Variants in WASF3 observed in about 807,000 individuals in gnomAD.
The protein encoded by WASF3 is WASP family member 3.
A neutral mutation model predicts 46.6 loss-of-function variants in WASF3; 11 were observed. The observed-to-expected ratio is 0.24, with a 90% CI of 0.15 to 0.39. The LOEUF (loss-of-function observed/expected upper bound fraction) is 0.39, where lower values mean the gene tolerates loss of function less well. Among genes scored for constraint, WASF3 ranks in the 10% least tolerant of loss-of-function variants. The pLI is 1.00. For synonymous variants in WASF3, 242 were observed against 259.7 expected (o/e 0.93, Z 0.65); for missense variants, 576 against 669.8 (o/e 0.86, Z 1.55).
At position 26,686,103 on chromosome 13, in the gene WASF3, T is replaced by C; in HGVS notation, c.*258T>C. ...ACATTGTCCTGAAAACAGCATCTGC[T>C]TTCCTCTTGGCCATGAGAGTATTTA... On this transcript the variant is annotated 3_prime_UTR_variant, in exon 10 of 10. Transcript: ENST00000335327. 2.3e-6 allele frequency: 1 copy of C among 444,168 alleles called. No homozygotes were observed. 27.5% of individuals were successfully genotyped at this position (444,168 alleles called of 1,614,324 possible).
chr13:26,682,786 C>T lies in WASF3; in HGVS notation c.1163C>T (p.Thr388Ile), dbSNP rs1453111430. Residue 388 changes from threonine (T) to isoleucine (I), a missense_variant, in exon 9 of 10, where the codon ACC becomes ATC. Thr to Ile is a moderately conservative substitution (Grantham distance 89, BLOSUM62 -1). Coordinates refer to ENST00000335327, the MANE Select transcript of WASF3 (RefSeq NM_006646.6). This position sits in a 1 kb window ranked among gnomAD's most constrained non-coding sequence, Gnocchi z 4.4. ...THAAPPHPPS[T>I]GLLVTAPPPP... ...GCAGCTCCTCCTCACCCACCCTCCA[C>T]CGGGCTCCTGGTCACAGCCCCGCCA... 2.5e-6 allele frequency: 4 copies of T among 1,611,778 alleles called. No homozygotes were observed. In the Admixed American group the frequency reaches 6.7e-5, roughly 27 times the overall value.
At chr13:26,559,788 TTTTCTTTC>T (rs1555246392) in intron 1 of WASF3, among the ~76,000 whole-genome samples, 4 of 80,548 alleles carry the variant, frequency 5.0e-5, no homozygotes, top group South Asian at 1.0e-3. Context: ...TTTTCTTTTC[TTTTCTTTC>T]TTTCTTTCTT....
At chr13:26,592,781 G>A (rs909240183) in intron 1 of WASF3, among the ~76,000 whole-genome samples, 8 of 152,014 alleles carry the variant, frequency 5.3e-5, no homozygotes, top group Non-Finnish European at 1.2e-4. Flanking sequence ...TCTTATCAGT[G>A]TCTTGTCAGT....
intron 1 of WASF3, among the ~76,000 whole-genome samples, chr13:26,568,004 A>T (rs1229274016): frequency 1.3e-5 from 2 of 152,054 alleles, no homozygotes; most frequent in Non-Finnish European, 2.9e-5. Context: ...GGGGAGAAAC[A>T]GCAAGTGCCC....
chr13:26,609,909 G>C (rs1880918556), intron 1 of WASF3, among the ~76,000 whole-genome samples: 1 of 152,196 alleles, frequency 6.6e-6, no homozygotes, highest in South Asian at 2.1e-4. Flanking sequence ...TCTTAGAAGA[G>C]TACTGTCCAA....
chr13:26,610,395 C>T (rs1880936637), intron 1 of WASF3, among the ~76,000 whole-genome samples: 1 of 152,200 alleles, frequency 6.6e-6, no homozygotes. Flanking sequence ...TGGTTGTTTA[C>T]AGACTTTTCT....
intron 1 of WASF3, among the ~76,000 whole-genome samples, chr13:26,585,712 A>G (rs918345650): frequency 6.6e-6 from 1 of 151,874 alleles, no homozygotes; most frequent in East Asian, 1.9e-4. Flanking sequence ...AGACCATATA[A>G]TGGTCTTACC....
intron 1 of WASF3, among the ~76,000 whole-genome samples, chr13:26,607,456 A>C (rs1045311462): frequency 3.9e-5 from 6 of 152,234 alleles, no homozygotes; most frequent in Non-Finnish European, 2.9e-5. Context: ...GCAGAAATAA[A>C]GAATGAACAG....
rs1053973690 is a variant in WASF3, at chr13:26,688,224, A to G, written c.*2379A>G. On this transcript the variant is annotated 3_prime_UTR_variant, in exon 10 of 10. Transcript: ENST00000335327. ...AGATCTTTTCTAATATGGTATTACA[A>G]TGAAAAGAATAAAGAGAAGATTTGA... 2 of 152,250 alleles carry G rather than the reference A, an allele frequency of 1.3e-5. No individual in the cohort carries two copies. Among genetic ancestry groups the G allele is most frequent in the African/African-American group, 4.8e-5 (2 of 41,470 alleles). 9.4% of individuals were successfully genotyped at this position (152,250 alleles called of 1,614,324 possible). A position where few individuals can be genotyped will look rare whatever the true frequency, so the allele number is the denominator to read the frequency against.
the WASF3 span, among the ~76,000 whole-genome samples, chr13:26,544,734 G>A: frequency 5.9e-5 from 9 of 152,258 alleles, no homozygotes; most frequent in South Asian, 1.5e-3. Context: ...TGGTGAAGTC[G>A]GCTACCATGA....
At chr13:26,607,741 T>TCAC (rs1396695834) in intron 1 of WASF3, among the ~76,000 whole-genome samples, 1 of 152,072 alleles carries the variant, frequency 6.6e-6, no homozygotes, top group Non-Finnish European at 1.5e-5. Context: ...GCTCAGGTGA[T>TCAC]CCTCCTGCTT....
At chr13:26,570,882 C>G (rs1477108956) in intron 1 of WASF3, among the ~76,000 whole-genome samples, 1 of 152,114 alleles carries the variant, frequency 6.6e-6, no homozygotes, top group South Asian at 2.1e-4. Flanking sequence ...GCTGAATTCC[C>G]CTTCATAGAG....
At chr13:26,627,075 A>G (rs948730910) in intron 2 of WASF3, among the ~76,000 whole-genome samples, 1 of 152,190 alleles carries the variant, frequency 6.6e-6, no homozygotes, top group Admixed American at 6.5e-5. Flanking sequence ...ATTTGGCTTT[A>G]ATTGGAAGAG....
At chr13:26,585,747 C>A (rs1184199940) in intron 1 of WASF3, among the ~76,000 whole-genome samples, 2 of 152,036 alleles carry the variant, frequency 1.3e-5, no homozygotes, top group Non-Finnish European at 2.9e-5. Context: ...AATGGTCTTA[C>A]CTAGAAAAAC....
intron 3 of WASF3, among the ~76,000 whole-genome samples, chr13:26,658,600 A>G (rs191633969): frequency 3.5e-4 from 54 of 152,354 alleles, no homozygotes; most frequent in African/African-American, 1.1e-3. Flanking sequence ...TGCCTTGAGC[A>G]GGAAGCATTT....
At chr13:26,678,278 A>AGT (rs1483234319) in intron 7 of WASF3, among the ~76,000 whole-genome samples, 5 of 152,014 alleles carry the variant, frequency 3.3e-5, no homozygotes, top group Non-Finnish European at 5.9e-5. Flanking sequence ...TTTTTACTAC[A>AGT]GTGTGTCACT....
intron 1 of WASF3, among the ~76,000 whole-genome samples, chr13:26,608,413 G>A (rs898439114): frequency 4.1e-4 from 63 of 152,298 alleles, no homozygotes; most frequent in African/African-American, 1.4e-3. Context: ...GCACCTAGCT[G>A]AGAATGTGAT....
intron 1 of WASF3, among the ~76,000 whole-genome samples, chr13:26,589,704 T>C (rs1485571180): frequency 6.6e-6 from 1 of 152,212 alleles, no homozygotes; most frequent in Admixed American, 6.5e-5. Flanking sequence ...ATGTGTGAAC[T>C]TAAAATAAAA....
At chr13:26,544,283 A>G in the WASF3 span, among the ~76,000 whole-genome samples, 1 of 152,038 alleles carries the variant, frequency 6.6e-6, no homozygotes, top group Non-Finnish European at 1.5e-5. Flanking sequence ...TTTTTTACTC[A>G]CTCTTCATCC....
Sources: allele counts gnomAD v4.1 joint callset (sites outside exome capture counted in the v4.1 genomes callset), GRCh38; gene constraint gnomAD v4.1.1; non-coding constraint Gnocchi (gnomAD v3.1); transcripts MANE v1.5; gene names NCBI Gene and HGNC (gene_info 2026-07-23, HGNC 2026-07-21).